Variants in RORA observed in about 807,000 individuals in gnomAD.
RORA encodes RAR related orphan receptor A.
Under a neutral mutation model 69.5 loss-of-function variants are expected in RORA, and 7 were observed. The observed-to-expected ratio is 0.10, with a 90% CI of 0.06 to 0.19. The LOEUF (loss-of-function observed/expected upper bound fraction) is 0.19, where lower values mean the gene tolerates loss of function less well. Ranked by LOEUF, RORA falls within the 10% of genes least tolerant of loss-of-function variation. The pLI, the probability that RORA is intolerant of heterozygous loss-of-function variation, is 1.00. For synonymous variants in RORA, 261 were observed against 240.8 expected, an observed-to-expected ratio of 1.08 and a Z score of -0.78; for missense variants, 457 against 663.0, an observed-to-expected ratio of 0.69 and a Z score of 3.41.
At chr15:60,613,598 A>G (rs1001859134) in intron 2 of RORA, among the ~76,000 whole-genome samples, 28 of 152,110 alleles carry the variant, frequency 1.8e-4, no homozygotes, top group African/African-American at 5.8e-4. Flanking sequence ...CACGTCTGGC[A>G]TTCATTAAAT....
At chr15:60,627,881 T>C (rs183047429) in intron 2 of RORA, among the ~76,000 whole-genome samples, 242 of 152,352 alleles carry the variant, frequency 1.6e-3, no homozygotes, top group Non-Finnish European at 2.6e-3. Context: ...CTTATCATAC[T>C]GAGTTGCAAA....
rs1273795794 is a variant in RORA at position 60,999,124 on chromosome 15, T to C, written c.166+229929A>G. 3.9e-5 allele frequency among the ~76,000 whole-genome samples: 6 copies of C among 152,244 alleles called. No individual in the cohort carries two copies. In the East Asian group the frequency reaches 1.2e-3, roughly 29 times the overall value. On this transcript the variant is annotated intron_variant, in intron 1 of 10. Transcript: ENST00000335670. Reference sequence around the variant, plus strand: ...GGTTATCAAGCAGTTGTTGCTGATGTGTTCAAGCAGTGGAATTCTTTTTGA... The same window carrying C: ...GGTTATCAAGCAGTTGTTGCTGATGCGTTCAAGCAGTGGAATTCTTTTTGA...
intron 1 of RORA, among the ~76,000 whole-genome samples, chr15:60,699,521 C>T (rs936277419): frequency 2.0e-5 from 3 of 152,098 alleles, no homozygotes; most frequent in Non-Finnish European, 2.9e-5. Context: ...AAATTCTAGC[C>T]CAAAACATTT....
At chr15:60,820,659 G>A (rs58235349) in intron 1 of RORA, among the ~76,000 whole-genome samples, 8 of 152,098 alleles carry the variant, frequency 5.3e-5, no homozygotes, top group Admixed American at 5.2e-4. Flanking sequence ...GAGGTGGCAG[G>A]TGAATGGGTC....
intron 1 of RORA, among the ~76,000 whole-genome samples, chr15:61,016,000 A>C (rs1895272014): frequency 6.6e-6 from 1 of 152,202 alleles, no homozygotes; most frequent in Admixed American, 6.5e-5. Context: ...GAGTCATGAT[A>C]TCGGAGAGAT....
intron 1 of RORA, among the ~76,000 whole-genome samples, chr15:61,126,277 C>T (rs2079141773): frequency 1.3e-5 from 2 of 152,168 alleles, no homozygotes; most frequent in Admixed American, 6.5e-5. Flanking sequence ...AATGTGTATA[C>T]AACCTGATAT....
intron 1 of RORA, among the ~76,000 whole-genome samples, chr15:60,984,432 T>C (rs1007579738): frequency 2.0e-5 from 3 of 150,940 alleles, no homozygotes; most frequent in Admixed American, 1.3e-4. Context: ...AATATTAGTA[T>C]AATAATAATA....
chr15:60,786,812 C>T (rs763550708), intron 1 of RORA, among the ~76,000 whole-genome samples: 2 of 152,056 alleles, frequency 1.3e-5, no homozygotes, highest in Non-Finnish European at 2.9e-5. Flanking sequence ...CGACTGGATC[C>T]ACACCTCACT....
intron 1 of RORA, among the ~76,000 whole-genome samples, chr15:60,825,993 T>C (rs909350882): frequency 1.3e-5 from 2 of 152,226 alleles, no homozygotes; most frequent in Non-Finnish European, 2.9e-5. Context: ...CTTTAAATTC[T>C]ATGAAAAGGC....
At chr15:61,101,455 C>A (rs181679331) in intron 1 of RORA, among the ~76,000 whole-genome samples, 1 of 151,902 alleles carries the variant, frequency 6.6e-6, no homozygotes, top group Non-Finnish European at 1.5e-5. Flanking sequence ...GCAAGGGCCC[C>A]GAGGTAGGGA....
chr15:61,201,051 C>A, intron 1 of RORA, among the ~76,000 whole-genome samples: 1 of 152,196 alleles, frequency 6.6e-6, no homozygotes, highest in Admixed American at 6.5e-5. Context: ...TTAGGCTGCA[C>A]AACAATTATT....
chr15:60,741,288 G>T (rs944528985), intron 1 of RORA, among the ~76,000 whole-genome samples: 2 of 152,184 alleles, frequency 1.3e-5, no homozygotes, highest in South Asian at 2.1e-4. Flanking sequence ...TGACCTTCAG[G>T]CTTTCTTTAC....
At chr15:61,113,606 A>G (rs896147947) in intron 1 of RORA, among the ~76,000 whole-genome samples, 2 of 152,156 alleles carry the variant, frequency 1.3e-5, no homozygotes, top group Non-Finnish European at 2.9e-5. Context: ...CCAAGTCCAC[A>G]TTTTGCAGAC....
intron 1 of RORA, among the ~76,000 whole-genome samples, chr15:60,740,458 C>T (rs899001700): frequency 3.9e-5 from 6 of 152,166 alleles, no homozygotes; most frequent in Admixed American, 1.3e-4. Flanking sequence ...CTGGAGCCTA[C>T]GACATTAAAG....
chr15:61,129,443 G>A (rs190444034), intron 1 of RORA, among the ~76,000 whole-genome samples: 180 of 152,242 alleles, frequency 1.2e-3, no homozygotes, highest in African/African-American at 4.1e-3. Context: ...CAGGGACTAA[G>A]GAGAGGAGGT....
chr15:61,197,349 G>A (rs2079854365), intron 1 of RORA, among the ~76,000 whole-genome samples: 1 of 152,194 alleles, frequency 6.6e-6, no homozygotes, highest in South Asian at 2.1e-4. Context: ...CTCCAGGCAA[G>A]GGCTCCCCCG....
chr15:60,840,839 C>A (rs2073187574), intron 1 of RORA, among the ~76,000 whole-genome samples: 1 of 152,194 alleles, frequency 6.6e-6, no homozygotes, highest in Non-Finnish European at 1.5e-5. Context: ...TCCTGCCTGG[C>A]ACTGTGGCAA....
chr15:60,712,742 T>C (rs2071161564), intron 1 of RORA, among the ~76,000 whole-genome samples: 2 of 152,242 alleles, frequency 1.3e-5, no homozygotes, highest in East Asian at 1.9e-4. Flanking sequence ...TGACTGCTGG[T>C]GCTCAGCTTT....
chr15:60,838,843 AACACACACACACACACACACACAC>A (rs58762022), intron 1 of RORA, among the ~76,000 whole-genome samples: 1 of 122,084 alleles, frequency 8.2e-6, no homozygotes, highest in African/African-American at 3.2e-5. Context: ...ACATTCATTC[AACACACACACACACACACACACAC>A]ACACACACAC....
Sources: gnomAD v4.1 joint callset for allele counts (sites outside exome capture counted in the v4.1 genomes callset) on GRCh38, gnomAD v4.1.1 for gene constraint, MANE v1.5 for transcripts, NCBI Gene and HGNC (gene_info 2026-07-23, HGNC 2026-07-21) for gene names.